The following PCDHGA1 variants were observed in gnomAD, a reference collection of about 807,000 sequenced individuals.
PCDHGA1 encodes the protein protocadherin gamma-A1.
PCDHGA1 carries 32 observed loss-of-function variants against 58.0 expected under a neutral mutation model. The observed-to-expected ratio is 0.55, with a 90% CI of 0.42 to 0.74. The LOEUF is 0.74. Among genes scored for constraint, PCDHGA1 ranks in the 30% least tolerant of loss-of-function variants. The probability of loss-of-function intolerance (pLI) is 0.00; values close to 1 mark genes in which losing one functional copy is unlikely to be tolerated. For synonymous variants in PCDHGA1, 498 were observed against 501.1 expected (o/e 0.99, Z 0.08); for missense variants, 1,205 against 1,182.3 (o/e 1.02, Z -0.28).
At chr5:141,372,130 C>T in intron 1 of PCDHGA1, 4 of 1,613,648 alleles carry the variant, frequency 2.5e-6, no homozygotes, top group South Asian at 1.1e-5. Context: ...GATATGGTGC[C>T]GCGCTCTGCA....
intron 1 of PCDHGA1, among the ~76,000 whole-genome samples, chr5:141,380,353 G>T (rs954913370): frequency 6.6e-6 from 1 of 151,944 alleles, no homozygotes; most frequent in Non-Finnish European, 1.5e-5. Flanking sequence ...TTTGTTGTTT[G>T]TTTTTTAGAA....
rs1321933706 is a variant in PCDHGA1 at position 141,331,445 on chromosome 5, A to G, written c.761A>G (p.Asn254Ser). Residue 254 changes from asparagine to serine, a missense_variant, in exon 1 of 4, where the codon AAC becomes AGC. Physicochemically the swap from Asn to Ser is conservative, Grantham distance 46. Coordinates refer to ENST00000517417, the MANE Select transcript of PCDHGA1 (RefSeq NM_018912.3). ...CAATACCATATAAATGTCCCCGAAA[A>G]CGTGCCGCTGGGTACTCAGCTGCTC... ...QAQYHINVPE[N>S]VPLGTQLLMV... The G allele has an allele frequency of 6.2e-7, 1 of 1,614,088 alleles. No homozygotes were observed. Among genetic ancestry groups the G allele is most frequent in the South Asian group, 1.1e-5 (1 of 91,064 alleles).
At chr5:141,357,294 C>T (rs1227374616) in intron 1 of PCDHGA1, 2 of 1,613,992 alleles carry the variant, frequency 1.2e-6, no homozygotes, top group South Asian at 2.2e-5. Context: ...TGGCAGTGGC[C>T]GCTGTCTCCT....
In PCDHGA1 at chr5:141,331,689, C is replaced by G; in HGVS notation, c.1005C>G (p.Ile335Met). ...TCATGGCTAAAGTTAAGGTACTGAT[C>G]AAAGTTTTGGATGTAAATGATAATG... ...AGLMAKVKVL[I>M]KVLDVNDNAP... Residue 335 changes from isoleucine (I) to methionine (M), a missense_variant, in exon 1 of 4, where the codon ATC becomes ATG. Transcript: ENST00000517417. 1 of 1,613,936 alleles carries G rather than the reference C, an allele frequency of 6.2e-7. No homozygotes were observed. The highest frequency in any genetic ancestry group is 8.5e-7 in the Non-Finnish European group (1 of 1,179,982).
intron 1 of PCDHGA1, among the ~76,000 whole-genome samples, chr5:141,482,089 C>CAA (rs36035257): frequency 1.0e-3 from 137 of 134,516 alleles, no homozygotes; most frequent in African/African-American, 1.5e-3. Context: ...CACTCCATCT[C>CAA]AAAAAAAAAA....
chr5:141,449,165 G>A (rs144669334), intron 1 of PCDHGA1, among the ~76,000 whole-genome samples: 3 of 152,234 alleles, frequency 2.0e-5, no homozygotes, highest in Admixed American at 1.3e-4. Context: ...GGAAATAGGT[G>A]TAATTTTCTT....
chr5:141,413,881 G>C (rs774026375), intron 1 of PCDHGA1: 5 of 1,613,400 alleles, frequency 3.1e-6, no homozygotes, highest in Non-Finnish European at 4.2e-6. Context: ...CAGTGTGACT[G>C]TCTTCGATGC....
rs1221646532 is a variant in PCDHGA1, at chr5:141,366,822, TTCAGA to T, written c.2421+33718_2421+33722del. ...TTTCCTTTTTCATGTTTCTGTCATA[TTCAGA>T]ATCAGCTAGTTATGTAAATAGTGGA... On this transcript the variant is annotated intron_variant, in intron 1 of 3. Transcript: ENST00000517417. The T allele has an allele frequency of 2.6e-6, 4 of 1,538,856 alleles. No homozygotes were observed. The Admixed American group carries it at 8.0e-5, about 31-fold the overall frequency.
At chr5:141,394,692 C>T (rs1356120664) in intron 1 of PCDHGA1, 1 of 1,613,028 alleles carries the variant, frequency 6.2e-7, no homozygotes, top group Non-Finnish European at 8.5e-7. Context: ...GGGCGAGGTG[C>T]GCACGGCGCG....
At chr5:141,336,159 C>G (rs928232930) in intron 1 of PCDHGA1, among the ~76,000 whole-genome samples, 5 of 151,982 alleles carry the variant, frequency 3.3e-5, no homozygotes, top group Non-Finnish European at 1.5e-5. Flanking sequence ...ATAATGGAAG[C>G]AGACAATAAA....
intron 1 of PCDHGA1, chr5:141,478,925 G>T: frequency 1.4e-6 from 1 of 700,562 alleles, no homozygotes; most frequent in Non-Finnish European, 2.2e-6. Context: ...TCTAACCAGT[G>T]GCAGCTTCTA....
Position 141,332,538 on chromosome 5 carries a change from G to C in PCDHGA1, c.1854G>C (p.Ser618=). The C allele has an allele frequency of 6.2e-7, 1 of 1,612,750 alleles. No individual in the cohort carries two copies. Reference sequence around the variant, plus strand: ...AGGCCAGCGAGCCGGGACTCTTCTCGGTGGGTCTGCACACGGGCGAGGTGC... The same window carrying C: ...AGGCCAGCGAGCCGGGACTCTTCTCCGTGGGTCTGCACACGGGCGAGGTGC... ...LLKASEPGLF[S]VGLHTGEVRT... The change falls in exon 1 of 4, where the codon TCG becomes TCC. Residue 618 remains serine, a synonymous_variant. Transcript: ENST00000517417. The surrounding 1 kb of genome is among the most constrained non-coding windows in gnomAD (Gnocchi z 4.6).
rs776047060 is a variant in PCDHGA1, at chr5:141,393,622, A to T, written c.2421+60517A>T. The T allele has an allele frequency of 1.9e-6, 3 of 1,613,960 alleles. No individual in the cohort carries two copies. The Admixed American group carries it at 5.0e-5, about 27-fold the overall frequency. ...CTTACTGTAACAGCCAGCGACCCGG[A>T]TGAGGGAATCAACGGAAAAGTGGCA... On this transcript the variant is annotated intron_variant, in intron 1 of 3. Coordinates refer to ENST00000517417, the MANE Select transcript of PCDHGA1 (RefSeq NM_018912.3).
rs377390391 is a variant in PCDHGA1, at chr5:141,332,149, T to C, written c.1465T>C (p.Tyr489His). The C allele has an allele frequency of 9.4e-5, 152 of 1,614,012 alleles. No individual in the cohort carries two copies. The highest frequency in any genetic ancestry group is 1.2e-4 in the Non-Finnish European group (142 of 1,180,032). ...LDSNENAQIT[Y>H]SLIEDTIQGA... The stretch of plus-strand genomic sequence containing the variant: ...CAGCAATGAGAATGCACAAATCACT[T>C]ACTCCCTAATAGAGGACACTATCCA... Residue 489 changes from tyrosine to histidine, a missense_variant, in exon 1 of 4, where the codon TAC (tyrosine) becomes CAC (histidine). By Grantham distance (83) the Tyr-to-His change is moderately conservative. Transcript: ENST00000517417. The surrounding 1 kb of genome is among the most constrained non-coding windows in gnomAD (Gnocchi z 4.6).
chr5:141,389,068 C>T (rs1265953328), intron 1 of PCDHGA1: 2 of 1,613,904 alleles, frequency 1.2e-6, no homozygotes, highest in East Asian at 2.2e-5. Flanking sequence ...ATATTAACTT[C>T]TTCAAGAAAC....
In PCDHGA1 at chr5:141,330,865, G is replaced by C. The variant is rs772633343; in HGVS notation, c.181G>C (p.Asp61His). 1.4e-5 allele frequency: 22 copies of C among 1,614,228 alleles called. No homozygotes were observed. The highest frequency in any genetic ancestry group is 8.3e-5 in the Admixed American group (5 of 60,026). Residue 61 changes from aspartate to histidine, a missense_variant, in exon 1 of 4, where the codon GAT (aspartate) becomes CAT (histidine). Transcript: ENST00000517417. ...AGGGCTGCAACCCCAGGAGCTGGCA[G>C]ATGGCGGAGTCCGCATCGTCTCCAG... is the stretch of plus-strand genomic sequence containing the variant. ...DLGLQPQELA[D>H]GGVRIVSRGR...
chr5:141,423,489 T>C (rs764165685), intron 1 of PCDHGA1: 1 of 1,614,016 alleles, frequency 6.2e-7, no homozygotes, highest in South Asian at 1.1e-5. Context: ...TGCAAACCTA[T>C]TCCCACGAGG....
At position 141,354,389 on chromosome 5, in the gene PCDHGA1, C is replaced by T. The variant is rs971076627; in HGVS notation, c.2421+21284C>T. ...AGATAGTCATATGCATAGCTTGTGG[C>T]CAAGAATCTACTGTACACAAAATTA... On this transcript the variant is annotated intron_variant, in intron 1 of 3. Coordinates refer to ENST00000517417, the MANE Select transcript of PCDHGA1 (RefSeq NM_018912.3). Among the ~76,000 whole-genome samples the T allele has an allele frequency of 2.0e-5, 3 of 152,144 alleles. 1 individual carries two copies. The South Asian group carries it at 6.2e-4, about 32-fold the overall frequency.
At position 141,422,030 on chromosome 5, in the gene PCDHGA1, C is replaced by T. The variant is rs1404612424; in HGVS notation, c.2422-72777C>T. ...ACTCGGGTGCTGATGGTTAATGCAA[C>T]GGATCCAGACGAGGGAATCAACGGG... On this transcript the variant is annotated intron_variant, in intron 1 of 3. Coordinates refer to ENST00000517417, the MANE Select transcript of PCDHGA1 (RefSeq NM_018912.3). 3 of 1,609,592 alleles carry T rather than the reference C, an allele frequency of 1.9e-6. No homozygotes were observed. The South Asian group carries it at 3.3e-5, about 18-fold the overall frequency.
Sources: allele counts gnomAD v4.1 joint callset (sites outside exome capture counted in the v4.1 genomes callset), GRCh38; gene constraint gnomAD v4.1.1; non-coding constraint Gnocchi (gnomAD v3.1); transcripts MANE v1.5; gene names NCBI Gene and HGNC (gene_info 2026-07-23, HGNC 2026-07-21).